ANO3: variants seen among roughly 807,000 people sequenced by gnomAD.
The protein encoded by ANO3 is anoctamin 3.
A neutral mutation model predicts 144.8 loss-of-function variants in ANO3; 99 were observed. That is an observed-to-expected ratio of 0.68 (90% confidence interval 0.58 to 0.81). The LOEUF (loss-of-function observed/expected upper bound fraction) is 0.81, where lower values mean the gene tolerates loss of function less well. ANO3 is among the 30% of genes least tolerant of loss of function. ANO3 has a pLI of 0.00. For synonymous variants in ANO3, 414 were observed against 392.6 expected (o/e 1.05, Z -0.64); for missense variants, 905 against 1,202.2 (o/e 0.75, Z 3.66).
At chr11:26,285,157 A>T (rs1853776546) in intron 1 of ANO3, among the ~76,000 whole-genome samples, 1 of 152,096 alleles carries the variant, frequency 6.6e-6, no homozygotes, top group Admixed American at 6.5e-5. Context: ...CTTAATCTTA[A>T]TAAAGTTCAC....
intron 14 of ANO3, among the ~76,000 whole-genome samples, chr11:26,592,555 A>C (rs1255687141): frequency 6.6e-6 from 1 of 150,390 alleles, no homozygotes; most frequent in Admixed American, 6.7e-5. Flanking sequence ...GTAGATACTG[A>C]AATCCCTGAG....
intron 4 of ANO3, among the ~76,000 whole-genome samples, chr11:26,499,442 A>T (rs1861100335): frequency 6.6e-6 from 1 of 151,642 alleles, no homozygotes; most frequent in Non-Finnish European, 1.5e-5. Flanking sequence ...TTTCTCACTT[A>T]AATCTTTAAT....
Position 26,531,284 on chromosome 11 carries a change from C to G in ANO3, c.817C>G (p.Leu273Val). 4.3e-6 allele frequency: 7 copies of G among 1,613,992 alleles called. No homozygotes were observed. The highest frequency in any genetic ancestry group is 4.2e-6 in the Non-Finnish European group (5 of 1,179,974). ...MVLDKSAFPDLEESDCYTGPF... is the reference protein window; with the variant it reads ...MVLDKSAFPDVEESDCYTGPF... ...TCTTGACAAGTCAGCTTTTCCAGAC[C>G]TAGAGGAGTCAGACTGCTATACTGG... is the stretch of plus-strand genomic sequence containing the variant. Residue 273 changes from leucine to valine, a missense_variant, in exon 8 of 27, where the codon CTA (leucine) becomes GTA (valine). By Grantham distance (32) the Leu-to-Val change is conservative. Around this residue, in one of 4 missense-constraint regions of ANO3, gnomAD observed 71 missense variants for 57.9 expected, o/e 1.23. Coordinates refer to ENST00000256737, the MANE Select transcript of ANO3 (RefSeq NM_031418.4).
chr11:26,303,081 T>C (rs1854274951), intron 1 of ANO3, among the ~76,000 whole-genome samples: 1 of 152,070 alleles, frequency 6.6e-6, no homozygotes, highest in South Asian at 2.1e-4. Flanking sequence ...GGAACACTTA[T>C]ACACTGTTGG....
intron 12 of ANO3, among the ~76,000 whole-genome samples, chr11:26,551,903 T>C (rs557305781): frequency 6.6e-6 from 1 of 152,122 alleles, no homozygotes; most frequent in African/African-American, 2.4e-5. Flanking sequence ...AGAAGAGCTA[T>C]AGTATATGTA....
chr11:26,458,975 G>C (rs190419548), intron 3 of ANO3, among the ~76,000 whole-genome samples: 1 of 152,130 alleles, frequency 6.6e-6, no homozygotes, highest in Admixed American at 6.6e-5. Flanking sequence ...GAACTATGGA[G>C]ACTGTATTTT....
intron 5 of ANO3, among the ~76,000 whole-genome samples, chr11:26,510,855 T>C (rs1206127950): frequency 1.3e-5 from 2 of 152,198 alleles, no homozygotes; most frequent in African/African-American, 2.4e-5. Context: ...TGGATGTTAG[T>C]CATCCAAAAA....
chr11:26,268,074 T>C (rs191629614), intron 1 of ANO3, among the ~76,000 whole-genome samples: 57 of 152,106 alleles, frequency 3.7e-4, no homozygotes, highest in Non-Finnish European at 7.1e-4. Context: ...AGGAAAGAAC[T>C]ATAAGAAAAT....
chr11:26,500,913 G>A (rs1480892393), intron 4 of ANO3, among the ~76,000 whole-genome samples: 2 of 152,048 alleles, frequency 1.3e-5, no homozygotes, highest in African/African-American at 4.8e-5. Context: ...CAAGGGCTTT[G>A]GATTTTTCTC....
In ANO3 at chr11:26,243,675, C is replaced by T. The variant is rs372921438; in HGVS notation, c.154+54345C>T. 7.9e-5 allele frequency among the ~76,000 whole-genome samples: 12 copies of T among 152,134 alleles called. No homozygotes were observed. In the East Asian group the frequency reaches 2.1e-3, roughly 27 times the overall value. On this transcript the variant is annotated intron_variant, in intron 1 of 27. Coordinates refer to the ANO3 transcript ENST00000672621. ...AATTTTCATGGAGATACAATAACACCACTTATCAGTGAATCTCAATTCAAG... is the reference window on the plus strand; with the variant it reads ...AATTTTCATGGAGATACAATAACACTACTTATCAGTGAATCTCAATTCAAG...
At chr11:26,439,218 C>G (rs910079437) in intron 1 of ANO3, among the ~76,000 whole-genome samples, 1 of 152,122 alleles carries the variant, frequency 6.6e-6, no homozygotes, top group Non-Finnish European at 1.5e-5. Context: ...GTATAAAACT[C>G]TTAGAAGAAA....
intron 3 of ANO3, among the ~76,000 whole-genome samples, chr11:26,445,478 A>T (rs982107385): frequency 1.3e-5 from 2 of 152,002 alleles, no homozygotes; most frequent in African/African-American, 4.8e-5. Flanking sequence ...ACATAATTGG[A>T]TGCTCGTAAC....
At chr11:26,475,474 T>G (rs949143928) in intron 4 of ANO3, among the ~76,000 whole-genome samples, 2 of 152,002 alleles carry the variant, frequency 1.3e-5, no homozygotes, top group Admixed American at 6.6e-5. Context: ...AAAATCAATA[T>G]GGGCAAAATT....
chr11:26,273,011 T>G (rs1195574333), intron 1 of ANO3, among the ~76,000 whole-genome samples: 1 of 152,158 alleles, frequency 6.6e-6, no homozygotes, highest in Admixed American at 6.5e-5. Context: ...AAGTATTGCA[T>G]AATATTAAGT....
chr11:26,253,725 C>A (rs897751035), intron 1 of ANO3, among the ~76,000 whole-genome samples: 3 of 152,104 alleles, frequency 2.0e-5, no homozygotes, highest in African/African-American at 7.2e-5. Flanking sequence ...GGCCAACAGT[C>A]AGTAAATGGT....
intron 1 of ANO3, among the ~76,000 whole-genome samples, chr11:26,373,380 A>G (rs570629197): frequency 6.6e-6 from 1 of 152,132 alleles, no homozygotes; most frequent in Admixed American, 6.5e-5. Context: ...TTCGCTCTTC[A>G]CACTTCTCCC....
intron 1 of ANO3, among the ~76,000 whole-genome samples, chr11:26,297,258 CT>C (rs1854115773): frequency 6.7e-6 from 1 of 150,256 alleles, no homozygotes; most frequent in African/African-American, 2.5e-5. Context: ...TTTTTTATCC[CT>C]TTTTTGTCTT....
intron 1 of ANO3, among the ~76,000 whole-genome samples, chr11:26,398,592 C>A (rs2133971553): frequency 6.6e-6 from 1 of 152,110 alleles, no homozygotes; most frequent in South Asian, 2.1e-4. Context: ...AATAGGATCT[C>A]ATAATGTAAC....
chr11:26,305,829 G>A (rs1854367674), upstream of ANO3, among the ~76,000 whole-genome samples: 1 of 152,246 alleles, frequency 6.6e-6, no homozygotes, highest in African/African-American at 2.4e-5. Context: ...TCATTATGGA[G>A]TTGAAAATAT....
Sources: allele counts gnomAD v4.1 joint callset (sites outside exome capture counted in the v4.1 genomes callset), GRCh38; gene constraint gnomAD v4.1.1; regional missense constraint gnomAD v4.1.1; transcripts MANE v1.5; gene names NCBI Gene and HGNC (gene_info 2026-07-23, HGNC 2026-07-21).